The following DIP2C variants were observed in gnomAD, a reference collection of about 807,000 sequenced individuals.
DIP2C encodes disco-interacting protein 2 homolog C.
DIP2C carries 33 observed loss-of-function variants against 192.4 expected under a neutral mutation model. The ratio of observed to expected loss-of-function variants is 0.17; its 90% confidence interval spans 0.13 to 0.23. The LOEUF is 0.23. DIP2C is among the 10% of genes least tolerant of loss of function. DIP2C has a pLI of 1.00. For synonymous variants in DIP2C, 979 were observed against 864.1 expected (o/e 1.13, Z -2.33); for missense variants, 1,537 against 2,110.1 (o/e 0.73, Z 5.32).
chr10:571,242 T>C (rs561205039), intron 1 of DIP2C, among the ~76,000 whole-genome samples: 1 of 152,348 alleles, frequency 6.6e-6, no homozygotes, highest in South Asian at 2.1e-4. Flanking sequence ...ACAGTGGCTG[T>C]GCGGACGACC....
intron 4 of DIP2C, among the ~76,000 whole-genome samples, chr10:423,518 T>C (rs1170779620): frequency 6.6e-6 from 1 of 152,210 alleles, no homozygotes; most frequent in South Asian, 2.1e-4. Flanking sequence ...CTGATTTCTA[T>C]GTCGGTGTGT....
chr10:641,084 T>C (rs552451782), intron 1 of DIP2C, among the ~76,000 whole-genome samples: 9 of 151,186 alleles, frequency 6.0e-5, no homozygotes, highest in East Asian at 5.8e-4. Context: ...TCTCTTCCTA[T>C]ACAAAGAAGT....
intron 29 of DIP2C, among the ~76,000 whole-genome samples, chr10:334,139 T>A (rs527936009): frequency 6.6e-6 from 1 of 151,848 alleles, no homozygotes; most frequent in African/African-American, 2.4e-5. Context: ...ACACTGTCTC[T>A]ACTAAAAATA....
At chr10:616,784 G>A (rs1290381569) in intron 1 of DIP2C, among the ~76,000 whole-genome samples, 1 of 152,122 alleles carries the variant, frequency 6.6e-6, no homozygotes, top group Non-Finnish European at 1.5e-5. Flanking sequence ...GGGTGCCTAG[G>A]AATCAGCATT....
At chr10:400,920 T>C (rs367544901) in intron 9 of DIP2C, among the ~76,000 whole-genome samples, 3,389 of 128,768 alleles carry the variant, frequency 0.026, 64 homozygotes, top group African/African-American at 0.06. Context: ...TTTTCATCAG[T>C]ACATGAATCC....
chr10:559,014 G>GT (rs1488095717), intron 1 of DIP2C, among the ~76,000 whole-genome samples: 7 of 152,098 alleles, frequency 4.6e-5, no homozygotes, highest in Admixed American at 6.5e-5. Context: ...CCAAGGAGTG[G>GT]TTTCCAAGGA....
At position 607,339 on chromosome 10, in the gene DIP2C, A is replaced by C. The variant is rs753695978; in HGVS notation, c.85+82155T>G. On this transcript the variant is annotated intron_variant, in intron 1 of 36. Transcript: ENST00000280886. ...CAGCTGATAACCCACTGGGCTAAGAAGGCACAGACTTCATTATCCAGAAGC... is the reference window on the plus strand; with the variant it reads ...CAGCTGATAACCCACTGGGCTAAGACGGCACAGACTTCATTATCCAGAAGC... 1.7e-4 allele frequency among the ~76,000 whole-genome samples: 26 copies of C among 152,220 alleles called. 1 individual carries two copies. The highest frequency in any genetic ancestry group is 3.9e-4 in the Admixed American group (6 of 15,284).
intron 26 of DIP2C, among the ~76,000 whole-genome samples, chr10:347,638 G>A (rs1327962252): frequency 8.4e-6 from 1 of 119,146 alleles, no homozygotes; most frequent in African/African-American, 3.5e-5. Context: ...CAGACACATC[G>A]CGCATAGTTC....
intron 36 of DIP2C, among the ~76,000 whole-genome samples, chr10:280,038 T>G (rs1954730738): frequency 6.6e-6 from 1 of 151,198 alleles, no homozygotes; most frequent in Non-Finnish European, 1.5e-5. Flanking sequence ...GCCGAGTTTC[T>G]GGGCCAAAGT....
At chr10:321,145 A>G (rs769340278) in intron 31 of DIP2C, among the ~76,000 whole-genome samples, 1 of 152,166 alleles carries the variant, frequency 6.6e-6, no homozygotes, top group Non-Finnish European at 1.5e-5. Context: ...AAAAACAAAC[A>G]CCCAATGTGT....
chr10:351,693 G>A (rs981967709), intron 24 of DIP2C, among the ~76,000 whole-genome samples: 14 of 152,216 alleles, frequency 9.2e-5, no homozygotes, highest in Non-Finnish European at 1.3e-4. Flanking sequence ...GGAACGCAGG[G>A]CTGGAGTCCG....
At chr10:416,886 G>A (rs1965675832) in intron 6 of DIP2C, among the ~76,000 whole-genome samples, 1 of 152,186 alleles carries the variant, frequency 6.6e-6, no homozygotes, top group Non-Finnish European at 1.5e-5. Context: ...CCCCTCACCT[G>A]AGGCAGAGCC....
intron 9 of DIP2C, among the ~76,000 whole-genome samples, chr10:404,780 TAA>T (rs1156976495): frequency 6.6e-6 from 1 of 152,226 alleles, no homozygotes; most frequent in Admixed American, 6.5e-5. Context: ...TACAATTTGC[TAA>T]GAGAGATTAG....
chr10:553,956 G>GT (rs1564843385), intron 1 of DIP2C, among the ~76,000 whole-genome samples: 1 of 148,878 alleles, frequency 6.7e-6, no homozygotes, highest in Non-Finnish European at 1.5e-5. Context: ...ATACCTCATA[G>GT]AAAAAACGTA....
At chr10:335,127 AAAC>A (rs1462182740) in intron 29 of DIP2C, among the ~76,000 whole-genome samples, 1 of 152,226 alleles carries the variant, frequency 6.6e-6, no homozygotes, top group Non-Finnish European at 1.5e-5. Context: ...AAATATTTTG[AAAC>A]AATACCATTA....
At position 414,707 on chromosome 10, in the gene DIP2C, ATG is replaced by A. The variant is rs71199933; in HGVS notation, c.860-599_860-598del. ...CCAGCTAATTTTAGAGTGTGTATGTATGTGTGTGTGTGTGTGTGTGTGTGTGT... is the reference window on the plus strand; with the variant it reads ...CCAGCTAATTTTAGAGTGTGTATGTATGTGTGTGTGTGTGTGTGTGTGTGT... On this transcript the variant is annotated intron_variant, in intron 7 of 36. Coordinates refer to ENST00000280886, the MANE Select transcript of DIP2C (RefSeq NM_014974.3). Among the ~76,000 whole-genome samples, 156 of 47,814 alleles carry A rather than the reference ATG, an allele frequency of 3.3e-3. 1 individual carries two copies. The highest frequency in any genetic ancestry group is 0.014 in the African/African-American group (151 of 10,970). The allele number at this position is 47,814 out of a possible 152,430, so 31.4% of individuals were successfully genotyped here. A position where few individuals can be genotyped will look rare whatever the true frequency, so the allele number is the denominator to read the frequency against.
intron 36 of DIP2C, 79 bp downstream of exon 36, chr10:281,121 A>C (rs1954797520): frequency 2.5e-6 from 4 of 1,571,206 alleles, no homozygotes; most frequent in Non-Finnish European, 3.5e-6. Context: ...ACTCTCCTCC[A>C]CCGCCGTGCT....
At chr10:376,511 G>T (rs939058492) in intron 17 of DIP2C, among the ~76,000 whole-genome samples, 1 of 152,082 alleles carries the variant, frequency 6.6e-6, no homozygotes, top group Non-Finnish European at 1.5e-5. Context: ...GGTTGGGAGG[G>T]GGGGTCTTCC....
chr10:643,469 G>A (rs529281928), intron 1 of DIP2C, among the ~76,000 whole-genome samples: 4 of 152,066 alleles, frequency 2.6e-5, no homozygotes, highest in South Asian at 2.1e-4. Context: ...AACTGAGATC[G>A]CACCACTGCA....
Sources: gnomAD v4.1 joint callset for allele counts (sites outside exome capture counted in the v4.1 genomes callset) on GRCh38, gnomAD v4.1.1 for gene constraint, MANE v1.5 for transcripts, NCBI Gene and HGNC (gene_info 2026-07-23, HGNC 2026-07-21) for gene names.